STK31: variants seen among roughly 807,000 people sequenced by gnomAD.
STK31 encodes serine/threonine-protein kinase 31.
A neutral mutation model predicts 129.7 loss-of-function variants in STK31; 89 were observed. The observed-to-expected ratio is 0.69, with a 90% CI of 0.58 to 0.82. The LOEUF is 0.82. Ranked by LOEUF, STK31 falls within the 40% of genes least tolerant of loss-of-function variation. The pLI is 0.00. For missense variants in STK31, 1,187 were observed against 1,176.4 expected, an observed-to-expected ratio of 1.01 and a Z score of -0.13; for synonymous variants, 448 against 395.3, an observed-to-expected ratio of 1.13 and a Z score of -1.58.
At chr7:23,797,761 C>T (rs542542094) in intron 22 of STK31, among the ~76,000 whole-genome samples, 1 of 151,304 alleles carries the variant, frequency 6.6e-6, no homozygotes, top group African/African-American at 2.4e-5. Flanking sequence ...TAATTAAGAT[C>T]AGGGCAGAAC....
intron 23 of STK31, among the ~76,000 whole-genome samples, chr7:23,828,305 C>T (rs1319806179): frequency 6.6e-6 from 1 of 152,228 alleles, no homozygotes; most frequent in Non-Finnish European, 1.5e-5. Context: ...AGGCACCCCT[C>T]CCCCAGCCTC....
At chr7:23,804,106 T>TG (rs1311352517) in intron 22 of STK31, among the ~76,000 whole-genome samples, 1 of 152,110 alleles carries the variant, frequency 6.6e-6, no homozygotes, top group Non-Finnish European at 1.5e-5. Context: ...TTTTAAGAGA[T>TG]GGGGTCTCAC....
intron 8 of STK31, among the ~76,000 whole-genome samples, chr7:23,743,458 T>C (rs527763629): frequency 6.6e-6 from 1 of 152,326 alleles, no homozygotes; most frequent in African/African-American, 2.4e-5. Context: ...TTTGAATATA[T>C]TGTTTCATTC....
At chr7:23,816,674 G>A (rs1431240421) in intron 23 of STK31, among the ~76,000 whole-genome samples, 2 of 152,324 alleles carry the variant, frequency 1.3e-5, no homozygotes, top group South Asian at 2.1e-4. Context: ...TCATGGCAGC[G>A]TGTTTCATTG....
chr7:23,801,887 A>G (rs1301757317), intron 22 of STK31, among the ~76,000 whole-genome samples: 1 of 151,944 alleles, frequency 6.6e-6, no homozygotes, highest in Non-Finnish European at 1.5e-5. Flanking sequence ...TCTGCTGTTG[A>G]TCTGTGTGTC....
intron 23 of STK31, among the ~76,000 whole-genome samples, chr7:23,828,688 C>T (rs547151901): frequency 9.2e-5 from 14 of 152,314 alleles, no homozygotes; most frequent in Middle Eastern, 3.4e-3. Context: ...GCGTCGCTCA[C>T]GCTGGGAGCT....
chr7:23,751,398 A>G lies in STK31; in HGVS notation c.1018-1319A>G, dbSNP rs544974730. Among the ~76,000 whole-genome samples, 13 of 152,268 alleles carry G rather than the reference A, an allele frequency of 8.5e-5. No homozygotes were observed. The South Asian group carries it at 2.5e-3, about 29-fold the overall frequency. On this transcript the variant is annotated intron_variant, in intron 8 of 23. Transcript: ENST00000355870. ...GCAATATATTTTGTTACTGATTTCT[A>G]ATTTAATTTTATTGGTATCAGAGAG...
intron 11 of STK31, among the ~76,000 whole-genome samples, chr7:23,768,531 A>G (rs1320754251): frequency 2.0e-5 from 3 of 152,176 alleles, no homozygotes; most frequent in African/African-American, 7.2e-5. Flanking sequence ...AGTGATTCTT[A>G]TGATAGACAA....
At position 23,752,734 on chromosome 7, in the gene STK31, T is replaced by G; in HGVS notation, c.1035T>G (p.Ala345=). The part of the protein sequence containing the change: ...AQELQQEKAA[A]VDLTNHLEYT... ...TGTTTCAGCAAGAGAAGGCAGCTGCTGTGGATTTGACTAACCACTTAGAAT... is the reference window on the plus strand; with the variant it reads ...TGTTTCAGCAAGAGAAGGCAGCTGCGGTGGATTTGACTAACCACTTAGAAT... The change falls in exon 9 of 24, where the codon GCT becomes GCG. Residue 345 remains alanine, a synonymous_variant. Transcript: ENST00000355870. 1 of 1,613,232 alleles carries G rather than the reference T, an allele frequency of 6.2e-7. No individual in the cohort carries two copies. Among genetic ancestry groups the G allele is most frequent in the Non-Finnish European group, 8.5e-7 (1 of 1,179,326 alleles).
In STK31 at chr7:23,816,951, C is replaced by T. The variant is rs573077864; in HGVS notation, c.2829+1739C>T. Among the ~76,000 whole-genome samples, 33 of 152,112 alleles carry T rather than the reference C, an allele frequency of 2.2e-4. No individual in the cohort carries two copies. In the South Asian group the frequency reaches 2.5e-3, roughly 12 times the overall value. On this transcript the variant is annotated intron_variant, in intron 23 of 23. Transcript: ENST00000355870. ...CTGTAATCCCAGCACTTTGGGAGGC[C>T]GAGGTGGGCAGATCAACTGAGGTCA...
chr7:23,808,169 A>ATATATT (rs10643943), intron 22 of STK31, among the ~76,000 whole-genome samples: 167 of 146,402 alleles, frequency 1.1e-3, no homozygotes, highest in East Asian at 7.1e-3. Flanking sequence ...ATATATATAT[A>ATATATT]TTTTTTGTAG....
At chr7:23,783,190 C>A (rs1791040771) in intron 16 of STK31, among the ~76,000 whole-genome samples, 1 of 152,080 alleles carries the variant, frequency 6.6e-6, no homozygotes, top group African/African-American at 2.4e-5. Flanking sequence ...TTGGTGTTTG[C>A]CTTATTTGAA....
chr7:23,783,733 G>T, intron 17 of STK31, 70 bp downstream of exon 17: 1 of 1,284,290 alleles, frequency 7.8e-7, no homozygotes, highest in Non-Finnish European at 1.1e-6. Flanking sequence ...TTAAATTTGT[G>T]TCAGTGTTAA....
intron 8 of STK31, among the ~76,000 whole-genome samples, chr7:23,740,095 C>T (rs1012685595): frequency 3.3e-5 from 5 of 152,102 alleles, no homozygotes; most frequent in South Asian, 4.1e-4. Context: ...TTGATTCTTC[C>T]TGTCCACGAG....
intron 22 of STK31, among the ~76,000 whole-genome samples, chr7:23,808,970 T>TGTGCGCGCGC (rs60631283): frequency 4.9e-4 from 69 of 139,660 alleles, no homozygotes; most frequent in African/African-American, 1.7e-3. Context: ...TGTGTGTGTG[T>TGTGCGCGCGC]GCCTGTGTCT....
At chr7:23,791,407 GTGGGAGCTAAACAC>G in intron 22 of STK31, 1 of 595,948 alleles carries the variant, frequency 1.7e-6, no homozygotes, top group Non-Finnish European at 2.1e-6. Flanking sequence ...TCACTTATAA[GTGGGAGCTAAACAC>G]TGAGTACATA....
chr7:23,741,298 T>C (rs1788042872), intron 8 of STK31, among the ~76,000 whole-genome samples: 1 of 152,228 alleles, frequency 6.6e-6, no homozygotes, highest in Non-Finnish European at 1.5e-5. Flanking sequence ...TACCAGACTT[T>C]GGGTGCTAGG....
chr7:23,735,176 T>C (rs558169601), intron 6 of STK31, among the ~76,000 whole-genome samples: 1 of 152,300 alleles, frequency 6.6e-6, no homozygotes, highest in Admixed American at 6.5e-5. Flanking sequence ...TTTCTAGATA[T>C]CAGAGATTCA....
chr7:23,814,057 C>T (rs1485562900), intron 22 of STK31, among the ~76,000 whole-genome samples: 1 of 149,964 alleles, frequency 6.7e-6, no homozygotes, highest in Non-Finnish European at 1.5e-5. Flanking sequence ...GTGTTGATGG[C>T]AATCCTATTA....
Sources: gnomAD v4.1 joint callset for allele counts (sites outside exome capture counted in the v4.1 genomes callset) on GRCh38, gnomAD v4.1.1 for gene constraint, MANE v1.5 for transcripts, NCBI Gene and HGNC (gene_info 2026-07-23, HGNC 2026-07-21) for gene names.